Variants in ZNF316 observed in about 807,000 individuals in gnomAD.
ZNF316 encodes the protein zinc finger protein 316.
A neutral mutation model predicts 75.6 loss-of-function variants in ZNF316; 23 were observed. The observed-to-expected ratio is 0.30, with a 90% CI of 0.22 to 0.43. The LOEUF is 0.43. ZNF316 is among the 20% of genes least tolerant of loss of function. The pLI is 1.00. For missense variants in ZNF316, 1,266 were observed against 1,409.4 expected, an observed-to-expected ratio of 0.90 and a Z score of 1.63; for synonymous variants, 827 against 666.2, an observed-to-expected ratio of 1.24 and a Z score of -3.72.
intron 8 of ZNF316, among the ~76,000 whole-genome samples, chr7:6,651,452 C>T (rs957639911): frequency 7.9e-5 from 12 of 152,182 alleles, no homozygotes; most frequent in East Asian, 5.8e-4. Context: ...GTCAGGAGTT[C>T]GAGACCAGCC....
chr7:6,649,687 C>T (rs1012910676), intron 8 of ZNF316, among the ~76,000 whole-genome samples: 1 of 152,164 alleles, frequency 6.6e-6, no homozygotes, highest in Non-Finnish European at 1.5e-5. Context: ...CCCGCTCAGA[C>T]TCCCCAGGGA....
Position 6,653,593 on chromosome 7 carries a change from G to T in ZNF316, c.1997G>T (p.Arg666Leu), listed in dbSNP as rs1185837123. Residue 666 changes from arginine (R) to leucine (L), a missense_variant, in exon 9 of 9, where the codon CGC becomes CTC. Physicochemically the swap from Arg to Leu is moderately radical, Grantham distance 102. This residue lies in a region of ZNF316 where 961 missense variants were observed against 990.9 expected (regional missense o/e 0.97). Coordinates refer to ENST00000382252, the MANE Select transcript of ZNF316 (RefSeq NM_001278559.2). ...GGAAGGGGGL[R>L]AFGPAIGGLL... ...GCCGCGGGCGGCGGAGGCGGCCTGCGCGCGTTCGGGCCCGCCATCGGGGGT... is the reference window on the plus strand; with the variant it reads ...GCCGCGGGCGGCGGAGGCGGCCTGCTCGCGTTCGGGCCCGCCATCGGGGGT... The T allele has an allele frequency of 1.9e-6, 2 of 1,065,782 alleles. No homozygotes were observed. Among genetic ancestry groups the T allele is most frequent in the Non-Finnish European group, 2.3e-6 (2 of 880,892 alleles). The allele number at this position is 1,065,782 out of a possible 1,614,324, so 66.0% of individuals were successfully genotyped here.
chr7:6,652,525 G>A lies in ZNF316; in HGVS notation c.929G>A (p.Gly310Asp). The A allele has an allele frequency of 1.6e-6, 2 of 1,231,248 alleles. No homozygotes were observed. The highest frequency in any genetic ancestry group is 2.0e-6 in the Non-Finnish European group (2 of 987,584). 76.3% of individuals were successfully genotyped at this position (1,231,248 alleles called of 1,614,324 possible). A position where few individuals can be genotyped will look rare whatever the true frequency, so the allele number is the denominator to read the frequency against. ...GGCGGCCTGGGGGTCCTGGCCGACGGCTCTGAAGCGAAGCCTTTCCTGCCC... is the reference window on the plus strand; with the variant it reads ...GGCGGCCTGGGGGTCCTGGCCGACGACTCTGAAGCGAAGCCTTTCCTGCCC... ...DPGGLGVLADGSEAKPFLPGR... is the reference protein window; with the variant it reads ...DPGGLGVLADDSEAKPFLPGR... The change falls in exon 9 of 9, where the codon GGC (glycine) becomes GAC (aspartate). Residue 310 changes from glycine to aspartate, a missense_variant. By Grantham distance (94) the Gly-to-Asp change is moderately conservative (BLOSUM62 -1). Transcript: ENST00000382252.
rs1779575327 is a variant in ZNF316 at position 6,654,318 on chromosome 7, A to G, written c.2722A>G (p.Thr908Ala). The G allele has an allele frequency of 1.6e-6, 2 of 1,223,758 alleles. No homozygotes were observed. The highest frequency in any genetic ancestry group is 2.0e-6 in the Non-Finnish European group (2 of 982,428). The allele number at this position is 1,223,758 out of a possible 1,614,324, so 75.8% of individuals were successfully genotyped here. A position where few individuals can be genotyped will look rare whatever the true frequency, so the allele number is the denominator to read the frequency against. Reference sequence around the variant, plus strand: ...CTCGGTGCTGGTCACGCACCAGCGCACACATACGGGCGAGCGGCCCTACGC... The same window carrying G: ...CTCGGTGCTGGTCACGCACCAGCGCGCACATACGGGCGAGCGGCCCTACGC... ...QRSVLVTHQR[T>A]HTGERPYACA... Residue 908 changes from threonine (T) to alanine (A), a missense_variant, in exon 9 of 9, where the codon ACA (threonine) becomes GCA (alanine). Physicochemically the swap from Thr to Ala is moderately conservative, Grantham distance 58 (BLOSUM62 0). Coordinates refer to ENST00000382252, the MANE Select transcript of ZNF316 (RefSeq NM_001278559.2).
rs1489861805 is a variant in ZNF316 at position 6,639,591 on chromosome 7, G to T, written c.-167+450G>T. Reference sequence around the variant, plus strand: ...CATGCAGCCACTTTATTCCAAAGCTGTGAAGTGTTCTTCTGTTGTGTCCTC... The same window carrying T: ...CATGCAGCCACTTTATTCCAAAGCTTTGAAGTGTTCTTCTGTTGTGTCCTC... On this transcript the variant is annotated intron_variant, in intron 3 of 8. Coordinates refer to ENST00000382252, the MANE Select transcript of ZNF316 (RefSeq NM_001278559.2). This position sits in a 1 kb window ranked among gnomAD's most constrained non-coding sequence, Gnocchi z 4.2. Among the ~76,000 whole-genome samples the T allele has an allele frequency of 6.6e-6, 1 of 152,214 alleles. No individual in the cohort carries two copies. The highest frequency in any genetic ancestry group is 1.5e-5 in the Non-Finnish European group (1 of 68,036).
At position 6,657,311 on chromosome 7, in the gene ZNF316, C is replaced by CAA. The variant is rs33942632; in HGVS notation, c.*2726_*2727dup. On this transcript the variant is annotated 3_prime_UTR_variant, in exon 9 of 9. Coordinates refer to ENST00000382252, the MANE Select transcript of ZNF316 (RefSeq NM_001278559.2). ...GCCCGGCCAGAGCAACCTAATATTTCAAAAAAAAAAAAAAAAAAAAAAAAA... is the reference window on the plus strand; with the variant it reads ...GCCCGGCCAGAGCAACCTAATATTTCAAAAAAAAAAAAAAAAAAAAAAAAAAA... Among the ~76,000 whole-genome samples, 154 of 65,186 alleles carry CAA rather than the reference C, an allele frequency of 2.4e-3. 5 individuals are homozygous for CAA. Among genetic ancestry groups the CAA allele is most frequent in the Admixed American group, 3.8e-3 (18 of 4,798 alleles). The allele number at this position is 65,186 out of a possible 152,430, so 42.8% of individuals were successfully genotyped here. A position where few individuals can be genotyped will look rare whatever the true frequency, so the allele number is the denominator to read the frequency against.
intron 8 of ZNF316, among the ~76,000 whole-genome samples, chr7:6,648,081 G>GTGGGATTCTGGGTAAATGCCCGGCTT (rs1779441119): frequency 6.6e-6 from 1 of 152,210 alleles, no homozygotes; most frequent in South Asian, 2.1e-4. Flanking sequence ...AGTTGTGTTG[G>GTGGGATTCTGGGTAAATGCCCGGCTT]TGGGATTCTG....
At chr7:6,645,366 G>A (rs748181219) in intron 8 of ZNF316, among the ~76,000 whole-genome samples, 4 of 152,134 alleles carry the variant, frequency 2.6e-5, no homozygotes, top group Non-Finnish European at 5.9e-5. Context: ...GGTAGATTTG[G>A]AGCACCTCAT....
At chr7:6,645,365 G>T (rs938900002) in intron 8 of ZNF316, among the ~76,000 whole-genome samples, 5 of 152,162 alleles carry the variant, frequency 3.3e-5, no homozygotes, top group Non-Finnish European at 5.9e-5. Flanking sequence ...GGGTAGATTT[G>T]GAGCACCTCA....
Position 6,640,416 on chromosome 7 carries a change from C to G in ZNF316, c.-167+1275C>G, listed in dbSNP as rs570651445. On this transcript the variant is annotated intron_variant, in intron 3 of 8. Coordinates refer to ENST00000382252, the MANE Select transcript of ZNF316 (RefSeq NM_001278559.2). The surrounding 1 kb of genome is among the most constrained non-coding windows in gnomAD (Gnocchi z 5.1). ...GAGGGGGAGTAGGTATGTCACATGG[C>G]GAAAACAGGAACAAGCAAGAGAGAG... is the stretch of plus-strand genomic sequence containing the variant. 6.6e-6 allele frequency among the ~76,000 whole-genome samples: 1 copy of G among 151,978 alleles called. No homozygotes were observed. The highest frequency in any genetic ancestry group is 2.4e-5 in the African/African-American group (1 of 41,380).
intron 8 of ZNF316, among the ~76,000 whole-genome samples, chr7:6,649,536 C>G (rs1335556019): frequency 6.6e-6 from 1 of 152,226 alleles, no homozygotes; most frequent in East Asian, 1.9e-4. Flanking sequence ...GGCCTTGTCC[C>G]TGGAGCCCTG....
At position 6,657,802 on chromosome 7, in the gene ZNF316, C is replaced by T. The variant is rs528714579; in HGVS notation, c.*3191C>T. ...TATGATTTTTCCATTGCACTCCAGC[C>T]TGGGTGACAGAACAAGACCCTATCT... On this transcript the variant is annotated 3_prime_UTR_variant, in exon 9 of 9. Transcript: ENST00000382252. 1.6e-5 allele frequency among the ~76,000 whole-genome samples: 2 copies of T among 123,026 alleles called. No homozygotes were observed. The highest frequency in any genetic ancestry group is 3.2e-5 in the Non-Finnish European group (2 of 63,394). 80.7% of individuals were successfully genotyped at this position (123,026 alleles called of 152,430 possible). A position where few individuals can be genotyped will look rare whatever the true frequency, so the allele number is the denominator to read the frequency against.
Position 6,653,292 on chromosome 7 carries a change from C to A in ZNF316, c.1696C>A (p.Pro566Thr). Residue 566 changes from proline (P) to threonine (T), a missense_variant, in exon 9 of 9, where the codon CCC becomes ACC. By Grantham distance (38) the Pro-to-Thr change is conservative. Transcript: ENST00000382252. ...REEAAVAAPTPSGKVDPAPER... is the reference protein window; with the variant it reads ...REEAAVAAPTTSGKVDPAPER... ...GGAGGCGGCGGTGGCGGCGCCCACC[C>A]CCAGCGGCAAGGTGGACCCCGCGCC... 8.1e-7 allele frequency: 1 copy of A among 1,227,710 alleles called. No individual in the cohort carries two copies. Among genetic ancestry groups the A allele is most frequent in the East Asian group, 3.2e-5 (1 of 31,496 alleles). 76.1% of individuals were successfully genotyped at this position (1,227,710 alleles called of 1,614,324 possible).
chr7:6,644,563 G>A lies in ZNF316; in HGVS notation c.676G>A (p.Glu226Lys), dbSNP rs1049782550. The A allele has an allele frequency of 4.1e-6, 5 of 1,232,174 alleles. No homozygotes were observed. The highest frequency in any genetic ancestry group is 1.6e-5 in the African/African-American group (1 of 64,408). 76.3% of individuals were successfully genotyped at this position (1,232,174 alleles called of 1,614,324 possible). A position where few individuals can be genotyped will look rare whatever the true frequency, so the allele number is the denominator to read the frequency against. The change falls in exon 8 of 9, where the codon GAA (glutamate) becomes AAA (lysine). Residue 226 changes from glutamate to lysine, a missense_variant. Transcript: ENST00000382252. Reference sequence around the variant, plus strand: ...GGTCCCAGATAGTCCCCGACCTGAGGAAGGAGACATCGTCACTGGCGTCTA... The same window carrying A: ...GGTCCCAGATAGTCCCCGACCTGAGAAAGGAGACATCGTCACTGGCGTCTA... ...PWVPDSPRPE[E>K]GDIVTGVYTG...
rs1779272404 is a variant in ZNF316 at position 6,639,252 on chromosome 7, A to G, written c.-167+111A>G. 6.6e-6 allele frequency: 1 copy of G among 152,294 alleles called. No individual in the cohort carries two copies. Among genetic ancestry groups the G allele is most frequent in the Non-Finnish European group, 1.5e-5 (1 of 68,114 alleles). The allele number at this position is 152,294 out of a possible 1,614,324, so 9.4% of individuals were successfully genotyped here. A position where few individuals can be genotyped will look rare whatever the true frequency, so the allele number is the denominator to read the frequency against. On this transcript the variant is annotated intron_variant, in intron 3 of 8. Transcript: ENST00000382252. The surrounding 1 kb of genome is among the most constrained non-coding windows in gnomAD (Gnocchi z 4.2). ...GCTGAGTTTGAAAAATCCTGTGTCC[A>G]TCACATTGGCTGGCGACTTTAGACA... is the stretch of plus-strand genomic sequence containing the variant.
intron 8 of ZNF316, among the ~76,000 whole-genome samples, chr7:6,646,131 T>C (rs1779399235): frequency 6.6e-6 from 1 of 152,002 alleles, no homozygotes; most frequent in South Asian, 2.1e-4. Context: ...CGGATTACAA[T>C]TGGAGATAAG....
Position 6,643,892 on chromosome 7 carries a change from A to G in ZNF316, c.536A>G (p.Gln179Arg). The G allele has an allele frequency of 8.1e-7, 1 of 1,235,458 alleles. No homozygotes were observed. The highest frequency in any genetic ancestry group is 1.0e-6 in the Non-Finnish European group (1 of 990,070). The allele number at this position is 1,235,458 out of a possible 1,614,324, so 76.5% of individuals were successfully genotyped here. Residue 179 changes from glutamine to arginine, a missense_variant, in exon 7 of 9, where the codon CAG becomes CGG. Transcript: ENST00000382252. ...GAGTGGGAAAGGCTGGAAGCAGACC[A>G]GCGGGGCCTCTACCAGGAAGTCATG... Reference protein sequence around the residue: ...LEEWERLEADQRGLYQEVMQE... With the variant: ...LEEWERLEADRRGLYQEVMQE...
rs1779577721 is a variant in ZNF316 at position 6,654,417 on chromosome 7, A to C, written c.2821A>C (p.Thr941Pro). 8.3e-7 allele frequency: 1 copy of C among 1,211,176 alleles called. No homozygotes were observed. Among genetic ancestry groups the C allele is most frequent in the African/African-American group, 1.6e-5 (1 of 63,408 alleles). 75.0% of individuals were successfully genotyped at this position (1,211,176 alleles called of 1,614,324 possible). Residue 941 changes from threonine to proline, a missense_variant, in exon 9 of 9, where the codon ACC (threonine) becomes CCC (proline). This residue lies in a region of ZNF316 where 111 missense variants were observed against 99.2 expected (regional missense o/e 1.12). Coordinates refer to ENST00000382252, the MANE Select transcript of ZNF316 (RefSeq NM_001278559.2). ...LTHMKTHRGA[T>P]AAPGSGSAPA... ...CCACATGAAGACGCACCGCGGAGCC[A>C]CCGCAGCGCCGGGCTCGGGTTCGGC...
At position 6,639,303 on chromosome 7, in the gene ZNF316, T is replaced by G. The variant is rs1253193440; in HGVS notation, c.-167+162T>G. Among the ~76,000 whole-genome samples the G allele has an allele frequency of 6.6e-6, 1 of 152,166 alleles. No homozygotes were observed. Among genetic ancestry groups the G allele is most frequent in the Non-Finnish European group, 1.5e-5 (1 of 68,030 alleles). Reference sequence around the variant, plus strand: ...TTCTTTTAGTAAGTATTTGAATGCTTCTTAAGTGCTGGTGTGAGGGGTATT... The same window carrying G: ...TTCTTTTAGTAAGTATTTGAATGCTGCTTAAGTGCTGGTGTGAGGGGTATT... On this transcript the variant is annotated intron_variant, in intron 3 of 8. Transcript: ENST00000382252. This position sits in a 1 kb window ranked among gnomAD's most constrained non-coding sequence, Gnocchi z 4.2.
Sources: gnomAD v4.1 joint callset for allele counts (sites outside exome capture counted in the v4.1 genomes callset) on GRCh38, gnomAD v4.1.1 for gene constraint, gnomAD v4.1.1 regional missense constraint, Gnocchi (gnomAD v3.1) non-coding constraint, MANE v1.5 for transcripts, NCBI Gene and HGNC (gene_info 2026-07-23, HGNC 2026-07-21) for gene names.